Variants in TBXAS1 observed in about 807,000 individuals in gnomAD.
The protein encoded by TBXAS1 is thromboxane-A synthase.
Under a neutral mutation model 60.7 loss-of-function variants are expected in TBXAS1, and 48 were observed. That is an observed-to-expected ratio of 0.79 (90% CI 0.63 to 1.01). TBXAS1 has a LOEUF of 1.01. Among genes scored for constraint, TBXAS1 ranks in the 50% least tolerant of loss-of-function variants. TBXAS1 has a pLI of 0.00. For missense variants in TBXAS1, 685 were observed against 686.3 expected (o/e 1.00, Z 0.02); for synonymous variants, 287 against 269.7 (o/e 1.06, Z -0.63).
chr7:139,920,694 C>T (rs115097902), intron 4 of TBXAS1, among the ~76,000 whole-genome samples: 25 of 152,270 alleles, frequency 1.6e-4, no homozygotes, highest in African/African-American at 6.0e-4. Flanking sequence ...TAAAACAGGG[C>T]CAAAGGATTC....
chr7:139,801,114 C>T (rs1178725569), intron 4 of TBXAS1, among the ~76,000 whole-genome samples: 1 of 152,196 alleles, frequency 6.6e-6, no homozygotes, highest in African/African-American at 2.4e-5. Context: ...AGTATCTTTG[C>T]AATATCAAAA....
chr7:139,905,630 T>C (rs1805017285), intron 3 of TBXAS1, among the ~76,000 whole-genome samples: 1 of 152,232 alleles, frequency 6.6e-6, no homozygotes, highest in Non-Finnish European at 1.5e-5. Context: ...GCTGGCTTCA[T>C]AGAATGAGTT....
chr7:139,944,894 A>G (rs1368290504), intron 5 of TBXAS1, among the ~76,000 whole-genome samples: 1 of 152,220 alleles, frequency 6.6e-6, no homozygotes, highest in African/African-American at 2.4e-5. Flanking sequence ...CCAAAGGCTT[A>G]AAGATGGTGG....
chr7:139,808,158 C>G (rs1797925829), intron 4 of TBXAS1, among the ~76,000 whole-genome samples: 1 of 151,606 alleles, frequency 6.6e-6, no homozygotes, highest in African/African-American at 2.4e-5. Flanking sequence ...ATGGCAAAAT[C>G]CCATCTCTAC....
intron 4 of TBXAS1, among the ~76,000 whole-genome samples, chr7:139,911,644 G>A (rs1259747041): frequency 6.6e-6 from 1 of 152,228 alleles, no homozygotes; most frequent in Non-Finnish European, 1.5e-5. Context: ...CCAAGTGACT[G>A]ACGGAGAATG....
At chr7:139,964,118 T>G (rs2117393918) in intron 9 of TBXAS1, among the ~76,000 whole-genome samples, 1 of 152,192 alleles carries the variant, frequency 6.6e-6, no homozygotes. Context: ...GAAGTTTCAC[T>G]CTTGTTGCCG....
intron 4 of TBXAS1, among the ~76,000 whole-genome samples, chr7:139,808,578 T>C (rs1365666139): frequency 6.6e-6 from 1 of 152,212 alleles, no homozygotes; most frequent in East Asian, 1.9e-4. Context: ...CCTCCTGAGC[T>C]GGTTTGAGCT....
chr7:139,860,137 A>AAAC (rs943521604), intron 1 of TBXAS1, among the ~76,000 whole-genome samples: 3 of 152,272 alleles, frequency 2.0e-5, no homozygotes, highest in South Asian at 4.1e-4. Context: ...TCTGTCTCAA[A>AAAC]AACAACAACA....
At chr7:139,956,288 A>G (rs1050604275) in intron 7 of TBXAS1, among the ~76,000 whole-genome samples, 14 of 152,080 alleles carry the variant, frequency 9.2e-5, no homozygotes, top group African/African-American at 3.4e-4. Context: ...CTGGGATTAC[A>G]GGCATGCACC....
intron 3 of TBXAS1, among the ~76,000 whole-genome samples, chr7:139,906,997 A>G (rs181776686): frequency 2.2e-4 from 34 of 152,260 alleles, no homozygotes; most frequent in African/African-American, 6.7e-4. Context: ...GGACAATTTT[A>G]TTTATTCCTT....
chr7:140,015,802 G>A lies in TBXAS1; in HGVS notation c.1306G>A (p.Gly436Ser). 2.5e-6 allele frequency: 4 copies of A among 1,613,744 alleles called. No homozygotes were observed. In the South Asian group the frequency reaches 4.4e-5, roughly 18 times the overall value. ...AGGCGCTGTGCTAGAGATGGCCGTG[G>A]GTGCCCTGCACCATGACCCTGAGCA... is the stretch of plus-strand genomic sequence containing the variant. The part of the protein sequence containing the change: ...PAGAVLEMAV[G>S]ALHHDPEHWP... The change falls in exon 11 of 13, where the codon GGT becomes AGT. Residue 436 changes from glycine to serine, a missense_variant. Gly to Ser is a moderately conservative substitution (Grantham distance 56). Transcript: ENST00000448866.
Position 139,975,159 on chromosome 7 carries a change from A to G in TBXAS1, c.1134+12926A>G, listed in dbSNP as rs1315788080. Among the ~76,000 whole-genome samples the G allele has an allele frequency of 6.6e-6, 1 of 152,180 alleles. No homozygotes were observed. The highest frequency in any genetic ancestry group is 2.4e-5 in the African/African-American group (1 of 41,432). ...TCAACCGATTGGATGAGGCACGCCCATATTATTGAGGATAATCTCCTCAAA... is the reference window on the plus strand; with the variant it reads ...TCAACCGATTGGATGAGGCACGCCCGTATTATTGAGGATAATCTCCTCAAA... On this transcript the variant is annotated intron_variant, in intron 9 of 12. Coordinates refer to ENST00000448866, the MANE Select transcript of TBXAS1 (RefSeq NM_001061.7). The surrounding 1 kb of genome is among the most constrained non-coding windows in gnomAD (Gnocchi z 4.4).
intron 9 of TBXAS1, among the ~76,000 whole-genome samples, chr7:139,981,688 A>C (rs2117513463): frequency 6.6e-6 from 1 of 152,334 alleles, no homozygotes; most frequent in South Asian, 2.1e-4. Flanking sequence ...AGGCATTAAA[A>C]TGGAGGGAAA....
Position 140,017,848 on chromosome 7 carries a change from C to A in TBXAS1, c.1527+15C>A. 6.2e-7 allele frequency: 1 copy of A among 1,613,912 alleles called. No homozygotes were observed. Among genetic ancestry groups the A allele is most frequent in the Non-Finnish European group, 8.5e-7 (1 of 1,179,840 alleles). ...CTGAGACCCAGGTGAGGCCCCCCTG[C>A]TCAGAGGCAGGGGCAGGGGCAGGGG... On this transcript the variant is annotated intron_variant, in intron 12 of 12. Coordinates refer to ENST00000448866, the MANE Select transcript of TBXAS1 (RefSeq NM_001061.7).
At chr7:139,996,856 G>A (rs1430245284) in intron 9 of TBXAS1, among the ~76,000 whole-genome samples, 1 of 152,238 alleles carries the variant, frequency 6.6e-6, no homozygotes, top group Non-Finnish European at 1.5e-5. Context: ...AGCCACTGCT[G>A]ATAAGGCTTC....
At chr7:139,906,808 T>C (rs1402722341) in intron 3 of TBXAS1, among the ~76,000 whole-genome samples, 1 of 152,216 alleles carries the variant, frequency 6.6e-6, no homozygotes, top group East Asian at 1.9e-4. Flanking sequence ...ACATTGTAAA[T>C]GGCAATGTGC....
chr7:139,885,672 A>C (rs1317515705), intron 3 of TBXAS1, among the ~76,000 whole-genome samples: 1 of 152,218 alleles, frequency 6.6e-6, no homozygotes, highest in African/African-American at 2.4e-5. Flanking sequence ...AATTATTACT[A>C]AATTTGAAGA....
At chr7:140,011,331 A>G (rs1423834862) in intron 10 of TBXAS1, among the ~76,000 whole-genome samples, 1 of 48,230 alleles carries the variant, frequency 2.1e-5, no homozygotes, top group Non-Finnish European at 3.7e-5. Context: ...ACAATGAAGA[A>G]TAAAAAAAAA....
Position 139,794,514 on chromosome 7 carries a change from CT to C in TBXAS1, c.-80+7100del, listed in dbSNP as rs528710596. On this transcript the variant is annotated intron_variant, in intron 4 of 16. Coordinates refer to the TBXAS1 transcript ENST00000336425. ...AGCCAATCTTCTGTCTTCTCCCTTT[CT>C]TTTTTTTTTTTATTATACTTTAAGT... Among the ~76,000 whole-genome samples, 542 of 144,512 alleles carry C rather than the reference CT, an allele frequency of 3.8e-3. 2 individuals are homozygous for C. The highest frequency in any genetic ancestry group is 7.3e-3 in the African/African-American group (292 of 39,972). 94.8% of individuals were successfully genotyped at this position (144,512 alleles called of 152,430 possible).
Sources: allele counts gnomAD v4.1 joint callset (sites outside exome capture counted in the v4.1 genomes callset), GRCh38; gene constraint gnomAD v4.1.1; non-coding constraint Gnocchi (gnomAD v3.1); transcripts MANE v1.5; gene names NCBI Gene and HGNC (gene_info 2026-07-23, HGNC 2026-07-21).